Variants in SERGEF observed in about 807,000 individuals in gnomAD.
The protein encoded by SERGEF is secretion regulating guanine nucleotide exchange factor.
SERGEF carries 51 observed loss-of-function variants against 50.0 expected under a neutral mutation model. The observed-to-expected ratio is 1.02, with a 90% CI of 0.81 to 1.29. The LOEUF (loss-of-function observed/expected upper bound fraction) is 1.29. SERGEF is among the 50% of genes most tolerant of loss of function. SERGEF has a pLI of 0.00. For missense variants in SERGEF, 521 were observed against 557.0 expected (o/e 0.94, Z 0.65); for synonymous variants, 205 against 212.4 (o/e 0.97, Z 0.30).
rs1230338395 is a variant in SERGEF, at chr11:17,862,062, A to C, written c.1048+16146T>G. Among the ~76,000 whole-genome samples the C allele has an allele frequency of 7.9e-5, 12 of 152,166 alleles. No individual in the cohort carries two copies. In the East Asian group the frequency reaches 2.3e-3, roughly 29 times the overall value. ...TTAGCCTGACATTAAAGCTTTTACG[A>C]TCTGAACGTAGCCATCACTGTAGCC... On this transcript the variant is annotated intron_variant, in intron 10 of 10. Transcript: ENST00000265965.
chr11:17,910,427 T>A lies in SERGEF; in HGVS notation c.1012-32183A>T, dbSNP rs1021840345. Among the ~76,000 whole-genome samples, 4 of 112,718 alleles carry A rather than the reference T, an allele frequency of 3.5e-5. No homozygotes were observed. In the South Asian group the frequency reaches 1.2e-3, roughly 34 times the overall value. 73.9% of individuals were successfully genotyped at this position (112,718 alleles called of 152,430 possible). A position where few individuals can be genotyped will look rare whatever the true frequency, so the allele number is the denominator to read the frequency against. On this transcript the variant is annotated intron_variant, in intron 9 of 10. Coordinates refer to ENST00000265965, the MANE Select transcript of SERGEF (RefSeq NM_012139.4). ...CCACGCCCAGCTAATTAAAAAAAAT[T>A]TTTTTATAGAGATGGAGTCTTGTTA...
intron 10 of SERGEF, among the ~76,000 whole-genome samples, chr11:17,811,802 A>G (rs1590128572): frequency 6.6e-6 from 1 of 152,246 alleles, no homozygotes; most frequent in South Asian, 2.1e-4. Context: ...TCTGAAAAGA[A>G]TGAGGTTGAG....
intron 8 of SERGEF, among the ~76,000 whole-genome samples, chr11:17,975,263 A>G (rs552789647): frequency 4.6e-5 from 7 of 152,152 alleles, no homozygotes; most frequent in Non-Finnish European, 7.3e-5. Flanking sequence ...AGTGAGCCTC[A>G]CTTGGCAAAA....
chr11:17,930,090 C>T (rs1290969740), intron 9 of SERGEF, among the ~76,000 whole-genome samples: 1 of 152,162 alleles, frequency 6.6e-6, no homozygotes, highest in African/African-American at 2.4e-5. Flanking sequence ...AAATCTGAAC[C>T]CCAGCTGTAC....
intron 10 of SERGEF, among the ~76,000 whole-genome samples, chr11:17,840,323 A>T (rs1218583944): frequency 6.6e-6 from 1 of 152,190 alleles, no homozygotes; most frequent in Non-Finnish European, 1.5e-5. Flanking sequence ...TTAGATTTTC[A>T]CAAGGCAAAT....
At chr11:17,795,472 A>C (rs1469584286) in intron 10 of SERGEF, among the ~76,000 whole-genome samples, 2 of 152,170 alleles carry the variant, frequency 1.3e-5, no homozygotes, top group African/African-American at 4.8e-5. Context: ...GAAATCAGGC[A>C]GAAACACAGC....
At chr11:17,938,295 G>A (rs1036922228) in intron 9 of SERGEF, among the ~76,000 whole-genome samples, 1 of 152,186 alleles carries the variant, frequency 6.6e-6, no homozygotes, top group Non-Finnish European at 1.5e-5. Context: ...GGCCCACCAA[G>A]TATTTTAAAA....
chr11:17,808,135 G>T (rs1003828512), intron 10 of SERGEF, among the ~76,000 whole-genome samples: 9 of 152,212 alleles, frequency 5.9e-5, no homozygotes, highest in African/African-American at 2.2e-4. Context: ...ACTACCAAGG[G>T]CCTGAACTTC....
chr11:17,939,030 G>T (rs61884490), intron 9 of SERGEF, among the ~76,000 whole-genome samples: 29,173 of 152,234 alleles, frequency 0.19, 3,623 homozygotes, highest in Non-Finnish European at 0.27. Context: ...CTGAATGAAA[G>T]AATGTTTATT....
At chr11:17,990,206 A>G (rs1387128481) in intron 7 of SERGEF, among the ~76,000 whole-genome samples, 1 of 152,194 alleles carries the variant, frequency 6.6e-6, no homozygotes, top group African/African-American at 2.4e-5. Context: ...TAAGGTTCAG[A>G]AGTCTCCAGT....
chr11:18,012,970 G>C lies in SERGEF; in HGVS notation c.41C>G (p.Ala14Gly). 6.8e-7 allele frequency: 1 copy of C among 1,473,656 alleles called. No individual in the cohort carries two copies. The allele number at this position is 1,473,656 out of a possible 1,614,324, so 91.3% of individuals were successfully genotyped here. A position where few individuals can be genotyped will look rare whatever the true frequency, so the allele number is the denominator to read the frequency against. The change falls in exon 1 of 11, where the codon GCG becomes GGG. Residue 14 changes from alanine (A) to glycine (G), a missense_variant. Ala to Gly is a moderately conservative substitution (Grantham distance 60). Transcript: ENST00000265965. ...EPSASEAAPA[A>G]AALFAWGANS... Reference sequence around the variant, plus strand: ...ACGTACCCAGGCGAAGAGCGCGGCCGCCGCGGGGGCGGCCTCCGAGGCGCT... The same window carrying C: ...ACGTACCCAGGCGAAGAGCGCGGCCCCCGCGGGGGCGGCCTCCGAGGCGCT...
intron 10 of SERGEF, among the ~76,000 whole-genome samples, chr11:17,818,942 C>T (rs1049560302): frequency 3.9e-5 from 6 of 152,234 alleles, no homozygotes; most frequent in African/African-American, 1.4e-4. Context: ...GAAACTCCTA[C>T]TCATCTTTGA....
At chr11:17,876,899 T>C (rs554198713) in intron 10 of SERGEF, among the ~76,000 whole-genome samples, 142 of 152,368 alleles carry the variant, frequency 9.3e-4, no homozygotes, top group African/African-American at 3.3e-3. Flanking sequence ...TATCTGGTCC[T>C]GCTGCAAAGC....
intron 10 of SERGEF, among the ~76,000 whole-genome samples, chr11:17,873,143 T>C (rs987264466): frequency 8.5e-5 from 13 of 152,306 alleles, no homozygotes; most frequent in Non-Finnish European, 1.8e-4. Context: ...GTCACCAGTC[T>C]GCAGGAAGGC....
chr11:17,822,083 T>C (rs1156727785), intron 10 of SERGEF, among the ~76,000 whole-genome samples: 1 of 152,160 alleles, frequency 6.6e-6, no homozygotes, highest in African/African-American at 2.4e-5. Flanking sequence ...GACTGCAGAA[T>C]CCTGGGAATG....
At chr11:17,972,161 T>C (rs996850887) in intron 8 of SERGEF, among the ~76,000 whole-genome samples, 2 of 152,258 alleles carry the variant, frequency 1.3e-5, no homozygotes, top group African/African-American at 2.4e-5. Context: ...GTGAACACTG[T>C]TGAAATGCTA....
intron 10 of SERGEF, among the ~76,000 whole-genome samples, chr11:17,817,469 G>C (rs766074238): frequency 8.5e-5 from 13 of 152,094 alleles, no homozygotes; most frequent in Non-Finnish European, 1.8e-4. Flanking sequence ...GCCTGCCTCA[G>C]CCTCCCAAAG....
intron 10 of SERGEF, among the ~76,000 whole-genome samples, chr11:17,806,939 A>C (rs900990386): frequency 2.6e-5 from 4 of 151,998 alleles, no homozygotes; most frequent in African/African-American, 9.7e-5. Context: ...GACTTTGTTC[A>C]TGCTGCCCCC....
At chr11:17,947,879 T>A (rs1191410818) in intron 9 of SERGEF, among the ~76,000 whole-genome samples, 1 of 152,196 alleles carries the variant, frequency 6.6e-6, no homozygotes, top group Non-Finnish European at 1.5e-5. Flanking sequence ...TGGCATGTAG[T>A]CAATGTTCGA....
Sources: gnomAD v4.1 joint callset for allele counts (sites outside exome capture counted in the v4.1 genomes callset) on GRCh38, gnomAD v4.1.1 for gene constraint, MANE v1.5 for transcripts, NCBI Gene and HGNC (gene_info 2026-07-23, HGNC 2026-07-21) for gene names.